ACTR3C: variants seen among roughly 807,000 people sequenced by gnomAD.
ACTR3C encodes actin related protein 3C.
A neutral mutation model predicts 26.3 loss-of-function variants in ACTR3C; 18 were observed. The observed-to-expected ratio is 0.68, with a 90% CI of 0.47 to 1.01. The LOEUF (loss-of-function observed/expected upper bound fraction) is 1.01, where lower values mean the gene tolerates loss of function less well. Among genes scored for constraint, ACTR3C ranks in the 50% least tolerant of loss-of-function variants. The pLI is 0.00. For missense variants in ACTR3C, 184 were observed against 250.7 expected (o/e 0.73, Z 1.80); for synonymous variants, 55 against 94.5 (o/e 0.58, Z 2.42).
At chr7:149,904,894 T>C in the ACTR3C span, among the ~76,000 whole-genome samples, 56 of 151,370 alleles carry the variant, frequency 3.7e-4, no homozygotes, top group East Asian at 0.011. Context: ...GACGTGGTGG[T>C]GGGCGCCTGT....
the ACTR3C span, among the ~76,000 whole-genome samples, chr7:150,126,042 T>G: frequency 1.3e-5 from 2 of 152,148 alleles, no homozygotes; most frequent in African/African-American, 4.8e-5. Context: ...CACCAGAGTC[T>G]CTCTGATGAC....
intron 1 of ACTR3C, among the ~76,000 whole-genome samples, chr7:150,310,913 A>C (rs1281730561): frequency 6.6e-6 from 1 of 152,014 alleles, no homozygotes; most frequent in African/African-American, 2.4e-5. Flanking sequence ...TCAAGGCTCA[A>C]ATGTCTTCCC....
chr7:150,065,213 A>C, the ACTR3C span, among the ~76,000 whole-genome samples: 2 of 152,194 alleles, frequency 1.3e-5, no homozygotes, highest in Admixed American at 6.5e-5. Flanking sequence ...GACTGAAATA[A>C]AGTAAATCAG....
At chr7:149,897,784 A>G in the ACTR3C span, among the ~76,000 whole-genome samples, 5 of 152,212 alleles carry the variant, frequency 3.3e-5, no homozygotes, top group Non-Finnish European at 7.3e-5. Flanking sequence ...AGGCTGAGGC[A>G]GGAGAATTGC....
the ACTR3C span, among the ~76,000 whole-genome samples, chr7:150,065,746 C>T: frequency 6.6e-6 from 1 of 150,558 alleles, no homozygotes; most frequent in Non-Finnish European, 1.5e-5. Flanking sequence ...CAGAAAAGGT[C>T]AGTTCTTTCC....
At chr7:149,894,235 A>G in the ACTR3C span, among the ~76,000 whole-genome samples, 2 of 152,228 alleles carry the variant, frequency 1.3e-5, no homozygotes, top group Admixed American at 1.3e-4. Flanking sequence ...TCAACCATAT[A>G]CAAAAATTAA....
the ACTR3C span, among the ~76,000 whole-genome samples, chr7:150,031,763 C>T: frequency 1.3e-5 from 2 of 152,276 alleles, no homozygotes; most frequent in Admixed American, 6.5e-5. Flanking sequence ...TAACTGCTTA[C>T]GTAGTGGTAT....
chr7:149,893,085 C>G, the ACTR3C span, among the ~76,000 whole-genome samples: 3 of 152,306 alleles, frequency 2.0e-5, no homozygotes, highest in East Asian at 5.8e-4. Context: ...CAGAATTTAA[C>G]AGCTAATGAA....
chr7:150,051,228 T>A, the ACTR3C span, among the ~76,000 whole-genome samples: 1 of 152,024 alleles, frequency 6.6e-6, no homozygotes, highest in African/African-American at 2.4e-5. Flanking sequence ...GAGGACACTG[T>A]GGTCCCACAT....
At chr7:150,092,286 A>G in the ACTR3C span, among the ~76,000 whole-genome samples, 1 of 146,466 alleles carries the variant, frequency 6.8e-6, no homozygotes, top group Non-Finnish European at 1.5e-5. Flanking sequence ...ACAGTAAGAA[A>G]TATCTTGTAG....
the ACTR3C span, among the ~76,000 whole-genome samples, chr7:150,079,779 C>T: frequency 6.6e-6 from 1 of 152,162 alleles, no homozygotes; most frequent in Admixed American, 6.5e-5. Flanking sequence ...TTTCCCAGCT[C>T]TGCCTTCCCC....
At chr7:150,122,962 TCA>T in the ACTR3C span, among the ~76,000 whole-genome samples, 1 of 150,062 alleles carries the variant, frequency 6.7e-6, no homozygotes, top group Non-Finnish European at 1.5e-5. Flanking sequence ...CTGGAAACCA[TCA>T]TTCTCAGCAA....
At chr7:150,036,769 G>C in the ACTR3C span, among the ~76,000 whole-genome samples, 1 of 138,154 alleles carries the variant, frequency 7.2e-6, no homozygotes, top group Admixed American at 7.0e-5. Flanking sequence ...ATCTGCCGTC[G>C]GAAGATTTGA....
chr7:149,896,052 A>C, the ACTR3C span, among the ~76,000 whole-genome samples: 16 of 132,254 alleles, frequency 1.2e-4, no homozygotes, highest in Admixed American at 6.8e-4. Flanking sequence ...AAAAAAAAAA[A>C]AAAACACAAA....
chr7:150,026,483 T>C, the ACTR3C span, among the ~76,000 whole-genome samples: 8 of 152,142 alleles, frequency 5.3e-5, no homozygotes, highest in Non-Finnish European at 1.0e-4. Context: ...ACTATCTTTA[T>C]ATAATACAGT....
the ACTR3C span, among the ~76,000 whole-genome samples, chr7:150,155,852 T>C: frequency 7.4e-5 from 11 of 148,432 alleles, no homozygotes; most frequent in East Asian, 1.0e-3. Context: ...CCAATTCTCA[T>C]TGGGCTGCCT....
the ACTR3C span, among the ~76,000 whole-genome samples, chr7:149,890,181 G>A: frequency 6.6e-6 from 1 of 152,074 alleles, no homozygotes; most frequent in Non-Finnish European, 1.5e-5. Context: ...ATTTGACAAT[G>A]TACTTGCATG....
At chr7:149,947,749 C>T in the ACTR3C span, among the ~76,000 whole-genome samples, 2 of 144,060 alleles carry the variant, frequency 1.4e-5, no homozygotes, top group Non-Finnish European at 2.9e-5. Context: ...TCTGCTGATG[C>T]GGTGCAGCTA....
At chr7:150,207,239 G>C in the ACTR3C span, among the ~76,000 whole-genome samples, 5 of 152,096 alleles carry the variant, frequency 3.3e-5, no homozygotes, top group South Asian at 1.0e-3. Flanking sequence ...AAACCACACT[G>C]ACCACTCTTT....
Sources: allele counts gnomAD v4.1 joint callset (sites outside exome capture counted in the v4.1 genomes callset), GRCh38; gene constraint gnomAD v4.1.1; transcripts MANE v1.5; gene names NCBI Gene and HGNC (gene_info 2026-07-23, HGNC 2026-07-21).